Variants in TENM3 observed in about 807,000 individuals in gnomAD.
TENM3 encodes teneurin transmembrane protein 3.
Under a neutral mutation model 255.1 loss-of-function variants are expected in TENM3, and 63 were observed. That is an observed-to-expected ratio of 0.25 (90% confidence interval 0.20 to 0.30). The LOEUF is 0.30. TENM3 is among the 10% of genes least tolerant of loss of function. The pLI is 1.00. For synonymous variants in TENM3, 1,306 were observed against 1,322.3 expected, an observed-to-expected ratio of 0.99 and a Z score of 0.27; for missense variants, 2,929 against 3,461.1, an observed-to-expected ratio of 0.85 and a Z score of 3.86.
At chr4:181,648,253 A>G in the TENM3 span, among the ~76,000 whole-genome samples, 1 of 152,156 alleles carries the variant, frequency 6.6e-6, no homozygotes, top group Non-Finnish European at 1.5e-5. Flanking sequence ...GTGCTGCTAA[A>G]CGCTAGAACA....
chr4:182,688,207 G>C lies in TENM3; in HGVS notation c.2077G>C (p.Gly693Arg), dbSNP rs1036616870. ...CTGTGGCTCACACGGCGTTTGCATG[G>C]GGGGGACGTGTCGCTGTGAAGAAGG... The part of the protein sequence containing the change: ...VDCGSHGVCM[G>R]GTCRCEEGWT... Residue 693 changes from glycine to arginine, a missense_variant, in exon 12 of 28, where the codon GGG (glycine) becomes CGG (arginine). Physicochemically the swap from Gly to Arg is moderately radical, Grantham distance 125. Around this residue, in one of 6 missense-constraint regions of TENM3, gnomAD observed 1,608 missense variants for 1,884.4 expected, o/e 0.85. Transcript: ENST00000511685. The C allele has an allele frequency of 1.9e-6, 3 of 1,613,724 alleles. No homozygotes were observed. The highest frequency in any genetic ancestry group is 2.5e-6 in the Non-Finnish European group (3 of 1,179,830).
chr4:181,551,718 G>A, the TENM3 span, among the ~76,000 whole-genome samples: 8 of 151,604 alleles, frequency 5.3e-5, no homozygotes, highest in African/African-American at 1.9e-4. Context: ...TGAATAAAAA[G>A]GTTCAACAGT....
chr4:181,854,833 A>G, the TENM3 span, among the ~76,000 whole-genome samples: 125,580 of 152,178 alleles, frequency 0.83, 53,960 homozygotes, highest in Non-Finnish European at 0.94. Flanking sequence ...ACTTATGTGA[A>G]GAATACTCTG....
At chr4:182,533,612 G>A (rs1306723645) in intron 3 of TENM3, among the ~76,000 whole-genome samples, 1 of 151,646 alleles carries the variant, frequency 6.6e-6, no homozygotes, top group African/African-American at 2.4e-5. Context: ...TTACTCTCTT[G>A]GAAAGAATAT....
the TENM3 span, among the ~76,000 whole-genome samples, chr4:182,088,827 C>T: frequency 6.9e-6 from 1 of 144,984 alleles, no homozygotes; most frequent in African/African-American, 2.5e-5. Context: ...GAGCGAGACT[C>T]CATCTCTAAA....
the TENM3 span, among the ~76,000 whole-genome samples, chr4:181,522,047 GC>G: frequency 6.4e-3 from 880 of 138,056 alleles, 6 homozygotes; most frequent in Middle Eastern, 0.03. Flanking sequence ...CTTGCAGTGA[GC>G]CGAGATCACG....
At chr4:182,061,643 A>G in the TENM3 span, among the ~76,000 whole-genome samples, 1 of 152,068 alleles carries the variant, frequency 6.6e-6, no homozygotes, top group African/African-American at 2.4e-5. Context: ...ACTTACAATT[A>G]AGCGTCACAC....
the TENM3 span, among the ~76,000 whole-genome samples, chr4:181,468,425 T>C: frequency 6.6e-6 from 1 of 152,244 alleles, no homozygotes; most frequent in East Asian, 1.9e-4. Flanking sequence ...TTCTGCATTT[T>C]ATTTTACAAA....
chr4:181,896,770 T>A, the TENM3 span, among the ~76,000 whole-genome samples: 1 of 152,198 alleles, frequency 6.6e-6, no homozygotes, highest in African/African-American at 2.4e-5. Flanking sequence ...GACACCAGCT[T>A]ACCAGGCCCT....
chr4:181,816,833 C>A, the TENM3 span, among the ~76,000 whole-genome samples: 1 of 152,182 alleles, frequency 6.6e-6, no homozygotes, highest in Non-Finnish European at 1.5e-5. Flanking sequence ...ATAGTCTTAT[C>A]CTCTCTTGGC....
Position 182,502,660 on chromosome 4 carries a change from C to T in TENM3, c.512-98264C>T, listed in dbSNP as rs577109784. Among the ~76,000 whole-genome samples the T allele has an allele frequency of 1.2e-4, 18 of 151,914 alleles. No individual in the cohort carries two copies. In the South Asian group the frequency reaches 2.5e-3, roughly 21 times the overall value. ...ACATGCTGGTTTTGTACTTGGATAC[C>T]GTATCCTCTTTTAACTCTGAGAATG... On this transcript the variant is annotated intron_variant, in intron 3 of 27. Transcript: ENST00000511685.
intron 3 of TENM3, among the ~76,000 whole-genome samples, chr4:182,575,604 T>G (rs1744838516): frequency 6.6e-6 from 1 of 152,202 alleles, no homozygotes; most frequent in Non-Finnish European, 1.5e-5. Flanking sequence ...ATATTTATGG[T>G]GTTGTGATTT....
chr4:181,522,678 G>A, the TENM3 span: 2 of 646,646 alleles, frequency 3.1e-6, no homozygotes, highest in Non-Finnish European at 6.0e-6. Context: ...GAATGATGTG[G>A]ACATAGCTGA....
the TENM3 span, among the ~76,000 whole-genome samples, chr4:181,509,707 G>A: frequency 2.6e-5 from 4 of 152,160 alleles, no homozygotes; most frequent in African/African-American, 9.7e-5. Context: ...CAGTGCATAG[G>A]GAGGAAGGAA....
At chr4:182,649,652 G>A (rs1753077254) in intron 5 of TENM3, among the ~76,000 whole-genome samples, 3 of 150,464 alleles carry the variant, frequency 2.0e-5, no homozygotes, top group Admixed American at 1.3e-4. Context: ...AAAATAGCCT[G>A]TTCTTAATTT....
At chr4:181,844,440 G>A in the TENM3 span, among the ~76,000 whole-genome samples, 82 of 152,068 alleles carry the variant, frequency 5.4e-4, 1 homozygote, top group African/African-American at 1.9e-3. Context: ...AGGCCGAGGC[G>A]GGCGGATCAC....
intron 3 of TENM3, among the ~76,000 whole-genome samples, chr4:182,469,034 A>G (rs1411506130): frequency 6.6e-6 from 1 of 152,184 alleles, no homozygotes; most frequent in African/African-American, 2.4e-5. Context: ...AATGACGATG[A>G]GATGATTTTA....
rs1414723468 is a variant in TENM3 at position 182,793,752 on chromosome 4, G to A, written c.7080G>A (p.Leu2360=). The change falls in exon 26 of 28, where the codon TTG becomes TTA. Residue 2360 remains leucine (L), a synonymous_variant. Coordinates refer to ENST00000511685, the MANE Select transcript of TENM3 (RefSeq NM_001080477.4). This position sits in a 1 kb window ranked among gnomAD's most constrained non-coding sequence, Gnocchi z 5.7. ...TTGGAGAAAGAGATTATGACATTTT[G>A]GCAGGACGGTGGACAACACCTGACA... The part of the protein sequence containing the change: ...IHFGERDYDI[L]AGRWTTPDIE... The A allele has an allele frequency of 6.2e-7, 1 of 1,613,844 alleles. No individual in the cohort carries two copies. Among genetic ancestry groups the A allele is most frequent in the Non-Finnish European group, 8.5e-7 (1 of 1,179,882 alleles).
the TENM3 span, among the ~76,000 whole-genome samples, chr4:181,535,365 C>T: frequency 3.9e-5 from 6 of 152,292 alleles, no homozygotes; most frequent in Admixed American, 2.6e-4. Context: ...ACTCCCACCA[C>T]ACCTCAATTC....
Sources: allele counts gnomAD v4.1 joint callset (sites outside exome capture counted in the v4.1 genomes callset), GRCh38; gene constraint gnomAD v4.1.1; regional missense constraint gnomAD v4.1.1; non-coding constraint Gnocchi (gnomAD v3.1); transcripts MANE v1.5; gene names NCBI Gene and HGNC (gene_info 2026-07-23, HGNC 2026-07-21).